Variants in MPP3 observed in about 807,000 individuals in gnomAD.
MPP3 encodes the protein MAGUK p55 scaffold protein 3.
Under a neutral mutation model 80.7 loss-of-function variants are expected in MPP3, and 48 were observed. The ratio of observed to expected loss-of-function variants is 0.59; its 90% confidence interval spans 0.47 to 0.76. MPP3 has a LOEUF of 0.76. Ranked by LOEUF, MPP3 falls within the 30% of genes least tolerant of loss-of-function variation. The probability of loss-of-function intolerance (pLI) is 0.00; values close to 1 mark genes in which losing one functional copy is unlikely to be tolerated. For missense variants in MPP3, 620 were observed against 763.0 expected (o/e 0.81, Z 2.21); for synonymous variants, 311 against 297.6 (o/e 1.04, Z -0.46).
chr17:43,808,853 C>T, intron 19 of MPP3, 103 bp downstream of exon 19: 1 of 1,322,102 alleles, frequency 7.6e-7, no homozygotes, highest in Non-Finnish European at 1.0e-6. Flanking sequence ...GAAGGTGTGT[C>T]CCGCATCCCT....
chr17:43,814,450 T>G, intron 14 of MPP3, 89 bp from the exon 15 acceptor site: 1 of 1,388,834 alleles, frequency 7.2e-7, no homozygotes, highest in Non-Finnish European at 9.7e-7. Flanking sequence ...TGGCCAGACC[T>G]GGAGATGGGA....
At chr17:43,812,180 T>C (rs990447283) in intron 16 of MPP3, among the ~76,000 whole-genome samples, 2 of 152,188 alleles carry the variant, frequency 1.3e-5, no homozygotes, top group Non-Finnish European at 2.9e-5. Flanking sequence ...TGCACACTTC[T>C]GAGGAAAATC....
chr17:43,828,263 C>A (rs1261451738), intron 7 of MPP3, among the ~76,000 whole-genome samples: 1 of 152,186 alleles, frequency 6.6e-6, no homozygotes, highest in African/African-American at 2.4e-5. Flanking sequence ...GGTTACCGGG[C>A]CTTCTGCTGC....
intron 2 of MPP3, 97 bp from the exon 3 acceptor site, chr17:43,832,040 G>A (rs1350935339): frequency 2.0e-5 from 16 of 793,806 alleles, no homozygotes; most frequent in Non-Finnish European, 3.4e-5. Flanking sequence ...AGACCAGGCT[G>A]TGGACAGAGA....
At chr17:43,814,669 A>T (rs765521906) in intron 14 of MPP3, 8 of 276,040 alleles carry the variant, frequency 2.9e-5, no homozygotes, top group Non-Finnish European at 5.4e-5. Context: ...ATGAATCTAC[A>T]ACTACTATGT....
chr17:43,830,377 G>T (rs1316687017), intron 5 of MPP3, among the ~76,000 whole-genome samples: 1 of 152,222 alleles, frequency 6.6e-6, no homozygotes, highest in Non-Finnish European at 1.5e-5. Flanking sequence ...CCAACTTGAT[G>T]CAGAGGGTCT....
Position 43,814,275 on chromosome 17 carries a change from G to A in MPP3, c.1096C>T (p.Pro366Ser). ...EGKMSSGAES[P>S]ELLTYEEVAR... ...ACCTCTTCGTAAGTCAGCAGCTCCG[G>A]AGACTCAGCTCCGGAGGACATCTTT... Residue 366 changes from proline to serine, a missense_variant, in exon 15 of 20, where the codon CCG becomes TCG. Pro to Ser is a moderately conservative substitution (Grantham distance 74). Coordinates refer to ENST00000398389, the MANE Select transcript of MPP3 (RefSeq NM_001932.6). 6.2e-7 allele frequency: 1 copy of A among 1,613,140 alleles called. No homozygotes were observed. The highest frequency in any genetic ancestry group is 2.2e-5 in the East Asian group (1 of 44,874).
Position 43,831,281 on chromosome 17 carries a change from G to A in MPP3, c.185C>T (p.Thr62Ile), listed in dbSNP as rs1308520343. 14 of 1,613,960 alleles carry A rather than the reference G, an allele frequency of 8.7e-6. No homozygotes were observed. Among genetic ancestry groups the A allele is most frequent in the Non-Finnish European group, 1.2e-5 (14 of 1,180,046 alleles). Reference protein sequence around the residue: ...KLRYYERQSPTPVLHSAVALA... With the variant: ...KLRYYERQSPIPVLHSAVALA... ...GGCCACAGCGCTGTGCAGAACTGGG[G>A]TTGGACTTTGCCTTTCATAATAGCG... Residue 62 changes from threonine to isoleucine, a missense_variant, in exon 5 of 20, where the codon ACC becomes ATC. Coordinates refer to ENST00000398389, the MANE Select transcript of MPP3 (RefSeq NM_001932.6).
At chr17:43,809,485 A>G (rs901593825) in intron 18 of MPP3, among the ~76,000 whole-genome samples, 1 of 152,190 alleles carries the variant, frequency 6.6e-6, no homozygotes, top group African/African-American at 2.4e-5. Context: ...CATTATTACA[A>G]ACTTTGTGCT....
intron 8 of MPP3, 81 bp downstream of exon 8, chr17:43,827,670 G>T: frequency 7.4e-7 from 1 of 1,346,992 alleles, no homozygotes. Context: ...GGGAGGTAAG[G>T]GGACCTATTA....
At chr17:43,829,452 GT>G (rs1260602943) in intron 7 of MPP3, among the ~76,000 whole-genome samples, 1 of 152,214 alleles carries the variant, frequency 6.6e-6, no homozygotes, top group Non-Finnish European at 1.5e-5. Flanking sequence ...CACAAAGGGT[GT>G]TGGCCACAGT....
rs775309587 is a variant in MPP3 at position 43,831,540 on chromosome 17, G to A, written c.144+19C>T. ...AGACCTCTAGACACCCTTCCACGCA[G>A]GATGACGTGGGACTTCACCTTCATT... is the stretch of plus-strand genomic sequence containing the variant. On this transcript the variant is annotated intron_variant, in intron 4 of 19. Transcript: ENST00000398389. 6.4e-7 allele frequency: 1 copy of A among 1,557,982 alleles called. No individual in the cohort carries two copies. The highest frequency in any genetic ancestry group is 8.8e-7 in the Non-Finnish European group (1 of 1,130,614).
intron 8 of MPP3, among the ~76,000 whole-genome samples, chr17:43,826,552 C>G (rs2045704841): frequency 6.6e-6 from 1 of 152,150 alleles, no homozygotes; most frequent in African/African-American, 2.4e-5. Flanking sequence ...GTAACATCGC[C>G]CTATACCAGG....
At chr17:43,825,058 C>G (rs1323736286) in intron 9 of MPP3, 2 of 152,298 alleles carry the variant, frequency 1.3e-5, no homozygotes, top group Admixed American at 6.5e-5. Flanking sequence ...CAGGTGTGAA[C>G]TACTGAGCCC....
At chr17:43,824,800 G>A (rs1598358245) in intron 9 of MPP3, among the ~76,000 whole-genome samples, 1 of 152,132 alleles carries the variant, frequency 6.6e-6, no homozygotes, top group Non-Finnish European at 1.5e-5. Flanking sequence ...TTGAGATGGA[G>A]TTTTGCTCTC....
chr17:43,809,195 G>A (rs550003239), intron 18 of MPP3, 117 bp from the exon 19 acceptor site: 3 of 1,063,644 alleles, frequency 2.8e-6, no homozygotes, highest in African/African-American at 1.6e-5. Flanking sequence ...CAAAGGTCCT[G>A]GTTACATGGG....
At chr17:43,811,244 A>T (rs1367288400) in intron 16 of MPP3, 39 bp from the exon 17 acceptor site, 1 of 1,498,222 alleles carries the variant, frequency 6.7e-7, no homozygotes, top group Non-Finnish European at 9.3e-7. Flanking sequence ...AAGAGATGTC[A>T]CATCACAGCA....
chr17:43,806,271 T>C (rs2044609920), intron 19 of MPP3, among the ~76,000 whole-genome samples: 1 of 152,174 alleles, frequency 6.6e-6, no homozygotes, highest in Non-Finnish European at 1.5e-5. Context: ...GTTCAAGTGA[T>C]TTTCCTGCCT....
intron 11 of MPP3, among the ~76,000 whole-genome samples, 166 bp from the exon 12 acceptor site, chr17:43,818,276 A>G (rs2045253380): frequency 6.6e-6 from 1 of 152,216 alleles, no homozygotes; most frequent in Non-Finnish European, 1.5e-5. Flanking sequence ...CGAAGGGAAC[A>G]CTTTCACAGG....
Sources: allele counts gnomAD v4.1 joint callset (sites outside exome capture counted in the v4.1 genomes callset), GRCh38; gene constraint gnomAD v4.1.1; transcripts MANE v1.5; gene names NCBI Gene and HGNC (gene_info 2026-07-23, HGNC 2026-07-21).